The following BCAS3 variants were observed in gnomAD, a reference collection of about 807,000 sequenced individuals.
The protein encoded by BCAS3 is BCAS3 microtubule associated cell migration factor, also known as BCAS4/BCAS3 fusion.
BCAS3 carries 53 observed loss-of-function variants against 116.1 expected under a neutral mutation model. The observed-to-expected ratio is 0.46, with a 90% CI of 0.37 to 0.57. The LOEUF (loss-of-function observed/expected upper bound fraction) is 0.57. BCAS3 is among the 20% of genes least tolerant of loss of function. The pLI, the probability that BCAS3 is intolerant of heterozygous loss-of-function variation, is 0.00. For synonymous variants in BCAS3, 391 were observed against 408.2 expected (o/e 0.96, Z 0.51); for missense variants, 917 against 1,165.4 (o/e 0.79, Z 3.10).
In BCAS3 at chr17:61,199,255, A is replaced by T. The variant is rs909958561; in HGVS notation, c.2425+114691A>T. Among the ~76,000 whole-genome samples the T allele has an allele frequency of 6.6e-6, 1 of 152,066 alleles. No individual in the cohort carries two copies. The highest frequency in any genetic ancestry group is 2.4e-5 in the African/African-American group (1 of 41,392). On this transcript the variant is annotated intron_variant, in intron 22 of 23. Coordinates refer to ENST00000407086, the MANE Select transcript of BCAS3 (RefSeq NM_017679.5). The surrounding 1 kb of genome is among the most constrained non-coding windows in gnomAD (Gnocchi z 4.6). ...GTAGAACCACAAAATGCATGTTTTT[A>T]TCTGTTCTGTTGTGTAGAATGTATA...
intron 22 of BCAS3, among the ~76,000 whole-genome samples, chr17:61,255,563 A>C (rs1183630142): frequency 6.6e-6 from 1 of 152,158 alleles, no homozygotes; most frequent in Non-Finnish European, 1.5e-5. Flanking sequence ...ACATCTTTGC[A>C]CCCTGTGGAA....
chr17:60,921,784 A>G (rs2059116150), intron 12 of BCAS3, among the ~76,000 whole-genome samples: 1 of 151,938 alleles, frequency 6.6e-6, no homozygotes, highest in Non-Finnish European at 1.5e-5. Flanking sequence ...AAACCTGCAC[A>G]TGCACCCCTT....
In BCAS3 at chr17:61,008,146, G is replaced by T. The variant is rs1169620990; in HGVS notation, c.1487-7605G>T. ...ATTGCTTCCGCCCAGTTTGGTATGTGGGTCAGAAGGCACTGTTTCTCACCA... is the reference window on the plus strand; with the variant it reads ...ATTGCTTCCGCCCAGTTTGGTATGTTGGTCAGAAGGCACTGTTTCTCACCA... On this transcript the variant is annotated intron_variant, in intron 15 of 23. Transcript: ENST00000407086. The surrounding 1 kb of genome is among the most constrained non-coding windows in gnomAD (Gnocchi z 4.6). Among the ~76,000 whole-genome samples, 1 of 152,066 alleles carries T rather than the reference G, an allele frequency of 6.6e-6. No homozygotes were observed. The highest frequency in any genetic ancestry group is 1.5e-5 in the Non-Finnish European group (1 of 67,998).
intron 14 of BCAS3, among the ~76,000 whole-genome samples, chr17:60,985,141 C>CTTTT (rs560277871): frequency 4.2e-5 from 5 of 120,348 alleles, no homozygotes; most frequent in East Asian, 2.4e-4. Flanking sequence ...CAACTGTATT[C>CTTTT]TTTTTTTTTT....
In BCAS3 at chr17:61,297,622, C is replaced by T. The variant is rs534683502; in HGVS notation, c.2426-70705C>T. ...CAAAGGGGCAAAACTGCAGAGAAAGCCAAGCCCAGGTGTTCTTGTTGAAGG... is the reference window on the plus strand; with the variant it reads ...CAAAGGGGCAAAACTGCAGAGAAAGTCAAGCCCAGGTGTTCTTGTTGAAGG... On this transcript the variant is annotated intron_variant, in intron 22 of 23. Coordinates refer to ENST00000407086, the MANE Select transcript of BCAS3 (RefSeq NM_017679.5). Among the ~76,000 whole-genome samples the T allele has an allele frequency of 2.0e-5, 3 of 152,198 alleles. No individual in the cohort carries two copies. In the South Asian group the frequency reaches 6.2e-4, roughly 32 times the overall value.
rs1027473567 is a variant in BCAS3 at position 61,332,310 on chromosome 17, C to A, written c.2426-36017C>A. Among the ~76,000 whole-genome samples the A allele has an allele frequency of 4.6e-5, 7 of 152,154 alleles. No homozygotes were observed. Among genetic ancestry groups the A allele is most frequent in the African/African-American group, 1.4e-4 (6 of 41,428 alleles). ...GCTTAAGGTATGCCCAGCGCTCAGACACCTAGTCATCCAGGCCCTGAACAT... is the reference window on the plus strand; with the variant it reads ...GCTTAAGGTATGCCCAGCGCTCAGAAACCTAGTCATCCAGGCCCTGAACAT... On this transcript the variant is annotated intron_variant, in intron 22 of 23. Coordinates refer to ENST00000407086, the MANE Select transcript of BCAS3 (RefSeq NM_017679.5). The surrounding 1 kb of genome is among the most constrained non-coding windows in gnomAD (Gnocchi z 5.4).
chr17:60,797,237 A>G (rs2047293274), intron 6 of BCAS3, among the ~76,000 whole-genome samples: 1 of 152,092 alleles, frequency 6.6e-6, no homozygotes, highest in African/African-American at 2.4e-5. Context: ...GTTTCAATAT[A>G]CCACATTTTC....
At chr17:60,927,153 A>G (rs1263882937) in intron 13 of BCAS3, among the ~76,000 whole-genome samples, 4 of 152,198 alleles carry the variant, frequency 2.6e-5, no homozygotes, top group Non-Finnish European at 5.9e-5. Flanking sequence ...ATGGCACTGT[A>G]TTAGGCATGG....
At position 61,136,536 on chromosome 17, in the gene BCAS3, A is replaced by G. The variant is rs2076650441; in HGVS notation, c.2425+51972A>G. Among the ~76,000 whole-genome samples, 1 of 152,144 alleles carries G rather than the reference A, an allele frequency of 6.6e-6. No individual in the cohort carries two copies. The highest frequency in any genetic ancestry group is 6.5e-5 in the Admixed American group (1 of 15,272). ...CCTCAGATGCCTCCAAATATTGCCAAATGTCCCCTTGTGGACAAAATTGTC... is the reference window on the plus strand; with the variant it reads ...CCTCAGATGCCTCCAAATATTGCCAGATGTCCCCTTGTGGACAAAATTGTC... On this transcript the variant is annotated intron_variant, in intron 22 of 23. Transcript: ENST00000407086. The surrounding 1 kb of genome is among the most constrained non-coding windows in gnomAD (Gnocchi z 4.4).
At chr17:60,950,582 A>G (rs1458558144) in intron 14 of BCAS3, among the ~76,000 whole-genome samples, 1 of 152,236 alleles carries the variant, frequency 6.6e-6, no homozygotes, top group Non-Finnish European at 1.5e-5. Context: ...CAGTGTTGAC[A>G]TAAGCCACTG....
At chr17:60,682,656 G>A (rs1012230639) in intron 2 of BCAS3, among the ~76,000 whole-genome samples, 1 of 152,068 alleles carries the variant, frequency 6.6e-6, no homozygotes, top group South Asian at 2.1e-4. Flanking sequence ...CCGAGCAGCT[G>A]AAATTACAGG....
At chr17:60,984,137 T>C (rs1006586534) in intron 14 of BCAS3, among the ~76,000 whole-genome samples, 7 of 152,354 alleles carry the variant, frequency 4.6e-5, no homozygotes, top group African/African-American at 1.7e-4. Context: ...CATTTGGATG[T>C]GTCACAATAG....
At chr17:60,813,432 T>TA (rs1490326143) in intron 7 of BCAS3, among the ~76,000 whole-genome samples, 2 of 152,200 alleles carry the variant, frequency 1.3e-5, no homozygotes, top group Admixed American at 6.5e-5. Context: ...AAGTGTCTGT[T>TA]AATGTCTTTT....
chr17:60,733,169 G>A (rs2040631757), intron 5 of BCAS3, among the ~76,000 whole-genome samples: 1 of 152,162 alleles, frequency 6.6e-6, no homozygotes, highest in Admixed American at 6.5e-5. Flanking sequence ...AGATAAATAT[G>A]TTATTAACCT....
intron 22 of BCAS3, among the ~76,000 whole-genome samples, chr17:61,271,748 C>A: frequency 6.6e-6 from 1 of 151,992 alleles, no homozygotes; most frequent in African/African-American, 2.4e-5. Context: ...TGAGCCATCA[C>A]ACTCGGCCCC....
In BCAS3 at chr17:61,007,268, A is replaced by C. The variant is rs1434940389; in HGVS notation, c.1487-8483A>C. 6.6e-6 allele frequency among the ~76,000 whole-genome samples: 1 copy of C among 151,896 alleles called. No homozygotes were observed. The highest frequency in any genetic ancestry group is 1.5e-5 in the Non-Finnish European group (1 of 67,914). ...TTTTCTAGGGAATTTTTGCCTCCTA[A>C]GTTTTCAATATTCCTTGTTCTAGGC... On this transcript the variant is annotated intron_variant, in intron 15 of 23. Coordinates refer to ENST00000407086, the MANE Select transcript of BCAS3 (RefSeq NM_017679.5). The surrounding 1 kb of genome is among the most constrained non-coding windows in gnomAD (Gnocchi z 4.3).
intron 22 of BCAS3, among the ~76,000 whole-genome samples, chr17:61,252,954 A>T (rs1006728379): frequency 4.1e-5 from 6 of 147,212 alleles, no homozygotes; most frequent in Admixed American, 2.1e-4. Flanking sequence ...ATCTCAGCTC[A>T]CTGCAACCTC....
At chr17:60,689,856 T>A in intron 4 of BCAS3, 95 bp downstream of exon 4, 1 of 803,254 alleles carries the variant, frequency 1.2e-6, no homozygotes, top group Non-Finnish European at 2.0e-6. Context: ...CAGATTACTT[T>A]CTCTTATAGT....
At chr17:61,052,715 C>CTTTTTT (rs60772345) in intron 19 of BCAS3, among the ~76,000 whole-genome samples, 12 of 124,942 alleles carry the variant, frequency 9.6e-5, no homozygotes, top group East Asian at 2.3e-4. Flanking sequence ...TTCTTTCTTT[C>CTTTTTT]TTTTTTTTTT....
Sources: allele counts gnomAD v4.1 joint callset (sites outside exome capture counted in the v4.1 genomes callset), GRCh38; gene constraint gnomAD v4.1.1; non-coding constraint Gnocchi (gnomAD v3.1); transcripts MANE v1.5; gene names NCBI Gene and HGNC (gene_info 2026-07-23, HGNC 2026-07-21).